The following PTER variants were observed in gnomAD, a reference collection of about 807,000 sequenced individuals.
PTER encodes phosphotriesterase related, also known as N-acetyltaurine hydrolase.
In PTER, 38 loss-of-function variants were observed where a neutral mutation model predicts 29.6. The ratio of observed to expected loss-of-function variants is 1.28; its 90% confidence interval spans 0.99 to 1.68. The LOEUF is 1.68. Ranked by LOEUF, PTER falls within the 40% of genes most tolerant of loss-of-function variation. PTER has a pLI of 0.00. For missense variants in PTER, 482 were observed against 427.8 expected, an observed-to-expected ratio of 1.13 and a Z score of -1.12; for synonymous variants, 172 against 154.5, an observed-to-expected ratio of 1.11 and a Z score of -0.84.
chr10:16,451,022 G>A (rs997566089), intron 1 of PTER, among the ~76,000 whole-genome samples: 6 of 152,048 alleles, frequency 3.9e-5, no homozygotes, highest in Admixed American at 1.3e-4. Context: ...ACCCCAAAAC[G>A]CACTAAAGAA....
chr10:16,514,488 A>G (rs1353331010), downstream of PTER: 5 of 1,558,642 alleles, frequency 3.2e-6, no homozygotes, highest in East Asian at 9.0e-5. Context: ...ATACGAATCC[A>G]GTGTTCAAAC....
chr10:16,443,650 C>G (rs1462142658), intron 1 of PTER, among the ~76,000 whole-genome samples: 1 of 152,138 alleles, frequency 6.6e-6, no homozygotes, highest in African/African-American at 2.4e-5. Flanking sequence ...TATTAAATGA[C>G]TTGGATAGAG....
At chr10:16,450,133 ATTC>A (rs1259968951) in intron 1 of PTER, among the ~76,000 whole-genome samples, 2 of 152,152 alleles carry the variant, frequency 1.3e-5, no homozygotes, top group Admixed American at 6.6e-5. Context: ...AAGTAAAGCA[ATTC>A]TTCTGGAATG....
intron 3 of PTER, among the ~76,000 whole-genome samples, chr10:16,497,833 C>A (rs900631487): frequency 1.3e-5 from 2 of 152,164 alleles, no homozygotes; most frequent in Admixed American, 1.3e-4. Context: ...AATAGAATCA[C>A]CTGTCTTGCA....
At chr10:16,465,926 C>T (rs1834794841) in intron 1 of PTER, among the ~76,000 whole-genome samples, 1 of 152,132 alleles carries the variant, frequency 6.6e-6, no homozygotes. Context: ...TGAGAACCCA[C>T]TAACTATCAT....
intron 4 of PTER, among the ~76,000 whole-genome samples, chr10:16,505,909 C>T (rs1001141367): frequency 3.9e-5 from 6 of 152,150 alleles, no homozygotes; most frequent in East Asian, 3.9e-4. Context: ...ATAGTTGAAC[C>T]GTGGGAATGA....
At chr10:16,463,198 TAAAA>T (rs535136619) in intron 1 of PTER, among the ~76,000 whole-genome samples, 1 of 79,394 alleles carries the variant, frequency 1.3e-5, no homozygotes. Flanking sequence ...AGACTCTGTC[TAAAA>T]AAAAAAAAAA....
At chr10:16,514,408 C>T, downstream of PTER, 1 of 744,214 alleles carries the variant, frequency 1.3e-6, no homozygotes, top group Admixed American at 2.5e-5. Flanking sequence ...ATTTGATTTC[C>T]CCACATATAC....
chr10:16,454,323 C>A (rs1834316759), intron 1 of PTER, among the ~76,000 whole-genome samples: 1 of 151,956 alleles, frequency 6.6e-6, no homozygotes, highest in African/African-American at 2.4e-5. Context: ...GCCTGTAATC[C>A]CAACACTTTG....
At chr10:16,452,655 C>CCTG (rs979372272) in intron 1 of PTER, among the ~76,000 whole-genome samples, 16 of 151,746 alleles carry the variant, frequency 1.1e-4, no homozygotes, top group African/African-American at 3.1e-4. Flanking sequence ...TTCTTCTTCT[C>CCTG]CTGCTGCTGC....
intron 3 of PTER, among the ~76,000 whole-genome samples, chr10:16,488,973 T>G (rs1321073582): frequency 6.6e-6 from 1 of 152,188 alleles, no homozygotes; most frequent in Non-Finnish European, 1.5e-5. Context: ...CCTTTCATTG[T>G]TTCTGAAAAG....
At chr10:16,454,025 TAA>T (rs1001960290) in intron 1 of PTER, among the ~76,000 whole-genome samples, 7 of 152,226 alleles carry the variant, frequency 4.6e-5, no homozygotes, top group African/African-American at 1.7e-4. Context: ...ATGCAGTTGG[TAA>T]AGTTTTAGCT....
chr10:16,449,179 G>C (rs1354501881), intron 1 of PTER, among the ~76,000 whole-genome samples: 1 of 152,182 alleles, frequency 6.6e-6, no homozygotes, highest in East Asian at 1.9e-4. Context: ...CTAGGTAGAG[G>C]CAGCTCTAAT....
intron 1 of PTER, among the ~76,000 whole-genome samples, chr10:16,447,713 A>G (rs978301899): frequency 1.3e-5 from 2 of 152,112 alleles, no homozygotes; most frequent in East Asian, 1.9e-4. Flanking sequence ...TACACCATAC[A>G]TCGTATTTAT....
At chr10:16,464,030 G>T (rs1230744478) in intron 1 of PTER, among the ~76,000 whole-genome samples, 1 of 152,128 alleles carries the variant, frequency 6.6e-6, no homozygotes, top group Non-Finnish European at 1.5e-5. Flanking sequence ...TTGATCCCTT[G>T]CCTACTTCAC....
At chr10:16,475,339 C>G (rs1267451204) in intron 1 of PTER, among the ~76,000 whole-genome samples, 1 of 152,152 alleles carries the variant, frequency 6.6e-6, no homozygotes, top group Non-Finnish European at 1.5e-5. Context: ...CAGGGTAACT[C>G]ACTTATCTGC....
chr10:16,507,002 C>T (rs984367670), intron 4 of PTER, among the ~76,000 whole-genome samples: 5 of 151,442 alleles, frequency 3.3e-5, no homozygotes, highest in Admixed American at 3.3e-4. Flanking sequence ...TGTGTGCGTA[C>T]AAGCAGAAAA....
chr10:16,448,595 A>G (rs1459775161), intron 1 of PTER, among the ~76,000 whole-genome samples: 3 of 152,140 alleles, frequency 2.0e-5, no homozygotes, highest in Non-Finnish European at 2.9e-5. Context: ...TTTTAGTCGG[A>G]TTTATTTCCC....
intron 1 of PTER, among the ~76,000 whole-genome samples, chr10:16,459,558 T>C (rs1287360232): frequency 1.3e-5 from 2 of 152,192 alleles, no homozygotes; most frequent in African/African-American, 4.8e-5. Context: ...ACTTGTTAGA[T>C]ACACCCCTGC....
Sources: allele counts gnomAD v4.1 joint callset (sites outside exome capture counted in the v4.1 genomes callset), GRCh38; gene constraint gnomAD v4.1.1; transcripts MANE v1.5; gene names NCBI Gene and HGNC (gene_info 2026-07-23, HGNC 2026-07-21).